The following CNTN5 variants were observed in gnomAD, a reference collection of about 807,000 sequenced individuals.
CNTN5 encodes contactin 5, also known as contactin-5.
Under a neutral mutation model 129.1 loss-of-function variants are expected in CNTN5, and 77 were observed. The observed-to-expected ratio is 0.60, with a 90% CI of 0.50 to 0.72. CNTN5 has a LOEUF of 0.72. CNTN5 is among the 30% of genes least tolerant of loss of function. The pLI is 0.00. For synonymous variants in CNTN5, 509 were observed against 465.6 expected (o/e 1.09, Z -1.20); for missense variants, 1,478 against 1,328.8 (o/e 1.11, Z -1.75).
At chr11:100,350,052 C>T (rs907788521) in intron 23 of CNTN5, among the ~76,000 whole-genome samples, 4 of 151,768 alleles carry the variant, frequency 2.6e-5, no homozygotes, top group African/African-American at 9.7e-5. Flanking sequence ...TTTAGCTTTG[C>T]TACACCATGT....
At chr11:99,602,650 T>G (rs1458256191) in intron 3 of CNTN5, among the ~76,000 whole-genome samples, 1 of 150,432 alleles carries the variant, frequency 6.6e-6, no homozygotes, top group Non-Finnish European at 1.5e-5. Flanking sequence ...GTTTGTGCAA[T>G]GTAAAAAAAA....
intron 1 of CNTN5, among the ~76,000 whole-genome samples, chr11:99,253,702 C>T (rs1862229576): frequency 6.6e-6 from 1 of 151,544 alleles, no homozygotes; most frequent in Admixed American, 6.6e-5. Context: ...TCCCTCGTTG[C>T]TGTATAATTT....
intron 3 of CNTN5, among the ~76,000 whole-genome samples, chr11:99,625,064 G>T (rs10893609): frequency 0.14 from 21,727 of 152,138 alleles, 1,759 homozygotes; most frequent in South Asian, 0.23. Context: ...TGGACACATG[G>T]CAGAAGAGTA....
chr11:99,164,081 A>T (rs565589904), intron 1 of CNTN5, among the ~76,000 whole-genome samples: 1 of 152,268 alleles, frequency 6.6e-6, no homozygotes, highest in East Asian at 1.9e-4. Flanking sequence ...TAATCCCAGC[A>T]ATTTGGGTGG....
chr11:99,494,709 G>A (rs1252838347), intron 2 of CNTN5, among the ~76,000 whole-genome samples: 1 of 152,132 alleles, frequency 6.6e-6, no homozygotes, highest in African/African-American at 2.4e-5. Context: ...ATAGCTGAAC[G>A]AGTGCAGGCT....
intron 9 of CNTN5, among the ~76,000 whole-genome samples, chr11:100,008,367 C>T (rs1325318487): frequency 1.3e-5 from 2 of 152,058 alleles, no homozygotes; most frequent in African/African-American, 4.8e-5. Flanking sequence ...CCAGTACCTT[C>T]TGTCTTAAGA....
chr11:99,348,340 C>T (rs1938052382), intron 2 of CNTN5, among the ~76,000 whole-genome samples: 1 of 152,034 alleles, frequency 6.6e-6, no homozygotes, highest in Non-Finnish European at 1.5e-5. Context: ...CTCCGTCCCC[C>T]CCAAAAAAAT....
rs1310065098 is a variant in CNTN5, at chr11:99,802,251, A to G, written c.56-17293A>G. 2.0e-5 allele frequency among the ~76,000 whole-genome samples: 3 copies of G among 152,198 alleles called. No individual in the cohort carries two copies. The East Asian group carries it at 5.8e-4, about 29-fold the overall frequency. ...TGGGTAAGAGACAGTTACAGCTAAC[A>G]TACTGGGTAGCTACTTGATCCTGGT... On this transcript the variant is annotated intron_variant, in intron 3 of 24. Transcript: ENST00000524871.
intron 4 of CNTN5, among the ~76,000 whole-genome samples, chr11:99,826,920 A>G (rs1946978389): frequency 6.6e-6 from 1 of 152,194 alleles, no homozygotes; most frequent in Non-Finnish European, 1.5e-5. Context: ...AGATGCTTTC[A>G]CATTTATAAA....
intron 1 of CNTN5, among the ~76,000 whole-genome samples, chr11:99,046,021 A>G (rs926030813): frequency 1.1e-4 from 16 of 152,166 alleles, no homozygotes; most frequent in African/African-American, 3.6e-4. Context: ...AACTCTGTGT[A>G]TAGAGACCTG....
chr11:99,647,115 T>G (rs756699097), intron 3 of CNTN5, among the ~76,000 whole-genome samples: 2 of 152,154 alleles, frequency 1.3e-5, no homozygotes, highest in Non-Finnish European at 2.9e-5. Flanking sequence ...CAGATCAGTT[T>G]CCTGAAGCAT....
chr11:99,134,104 G>A (rs1350072558), intron 1 of CNTN5, among the ~76,000 whole-genome samples: 1 of 152,100 alleles, frequency 6.6e-6, no homozygotes, highest in African/African-American at 2.4e-5. Flanking sequence ...CTTTTGCAGG[G>A]ACATGAATGA....
At position 99,524,425 on chromosome 11, in the gene CNTN5, C is replaced by T. The variant is rs1591215161; in HGVS notation, c.-70-31720C>T. The stretch of plus-strand genomic sequence containing the variant: ...CTAGTTTGTTAAATTAAAATTAAAT[C>T]TCTAAAACCAACTATTTGTGACAAA... On this transcript the variant is annotated intron_variant, in intron 2 of 24. Coordinates refer to ENST00000524871, the MANE Select transcript of CNTN5 (RefSeq NM_014361.4). Among the ~76,000 whole-genome samples the T allele has an allele frequency of 2.0e-5, 3 of 152,182 alleles. No individual in the cohort carries two copies. In the East Asian group the frequency reaches 5.8e-4, roughly 29 times the overall value.
chr11:100,267,209 G>A (rs1434913833), intron 17 of CNTN5, among the ~76,000 whole-genome samples: 1 of 150,850 alleles, frequency 6.6e-6, no homozygotes, highest in Non-Finnish European at 1.5e-5. Context: ...TAGAGGTTGG[G>A]AGTTCCAACA....
At chr11:100,186,528 A>C (rs1000987517) in intron 13 of CNTN5, among the ~76,000 whole-genome samples, 1 of 152,176 alleles carries the variant, frequency 6.6e-6, no homozygotes, top group Non-Finnish European at 1.5e-5. Flanking sequence ...ACAGACTAAC[A>C]AAGCAGAGAC....
intron 1 of CNTN5, among the ~76,000 whole-genome samples, chr11:99,219,425 G>A (rs971517598): frequency 1.3e-5 from 2 of 151,880 alleles, no homozygotes; most frequent in African/African-American, 2.4e-5. Context: ...GATAAGGTGA[G>A]TAATTTTGCC....
At chr11:100,228,029 T>A (rs967788708) in intron 16 of CNTN5, among the ~76,000 whole-genome samples, 4 of 152,206 alleles carry the variant, frequency 2.6e-5, no homozygotes, top group African/African-American at 9.6e-5. Flanking sequence ...TTTTCTAAAG[T>A]AATTATAAGG....
rs1208016886 is a variant in CNTN5 at position 100,340,507 on chromosome 11, A to T, written c.2775A>T (p.Thr925=). The part of the protein sequence containing the change: ...KDMEQEDTAE[T]VKTRGNESFV... ...TGGAACAGGAAGATACAGCAGAAAC[A>T]GTCAAAACTAGAGGGAATGAGTCTT... Residue 925 remains threonine, a synonymous_variant, in exon 22 of 25, where the codon ACA becomes ACT. Coordinates refer to ENST00000524871, the MANE Select transcript of CNTN5 (RefSeq NM_014361.4). The T allele has an allele frequency of 6.2e-7, 1 of 1,613,236 alleles. No individual in the cohort carries two copies. Among genetic ancestry groups the T allele is most frequent in the Non-Finnish European group, 8.5e-7 (1 of 1,179,470 alleles).
chr11:99,491,399 G>A (rs1946030804), intron 2 of CNTN5, among the ~76,000 whole-genome samples: 1 of 152,010 alleles, frequency 6.6e-6, no homozygotes, highest in South Asian at 2.1e-4. Flanking sequence ...ATATTCGGAG[G>A]TTAATGATCA....
Sources: gnomAD v4.1 joint callset for allele counts (sites outside exome capture counted in the v4.1 genomes callset) on GRCh38, gnomAD v4.1.1 for gene constraint, MANE v1.5 for transcripts, NCBI Gene and HGNC (gene_info 2026-07-23, HGNC 2026-07-21) for gene names.